SLC38A12: variants seen among roughly 807,000 people sequenced by gnomAD.
SLC38A12 encodes the protein putative sodium-coupled neutral amino acid transporter 12.
chr17:74,809,584 G>A, the SLC38A12 span, among the ~76,000 whole-genome samples: 6 of 152,306 alleles, frequency 3.9e-5, no homozygotes, highest in Non-Finnish European at 8.8e-5. Context: ...CTTCGGTTCT[G>A]TGCGGGAAGC....
chr17:74,792,325 C>T, the SLC38A12 span, among the ~76,000 whole-genome samples: 1 of 151,986 alleles, frequency 6.6e-6, no homozygotes. Context: ...GTGGTGCACA[C>T]CTGTGGTCCC....
At chr17:74,784,826 G>A in the SLC38A12 span, among the ~76,000 whole-genome samples, 2 of 152,144 alleles carry the variant, frequency 1.3e-5, no homozygotes, top group Non-Finnish European at 2.9e-5. Flanking sequence ...TAATGGAAAT[G>A]GGCTTTTTGG....
At chr17:74,798,847 A>G in the SLC38A12 span, among the ~76,000 whole-genome samples, 1 of 151,026 alleles carries the variant, frequency 6.6e-6, no homozygotes, top group East Asian at 2.0e-4. Flanking sequence ...GGAACATCTC[A>G]GGATTCTTTC....
At chr17:74,822,585 A>C in the SLC38A12 span, among the ~76,000 whole-genome samples, 1 of 152,240 alleles carries the variant, frequency 6.6e-6, no homozygotes, top group African/African-American at 2.4e-5. Context: ...CTCTCAGGCG[A>C]ACCTTTTCTC....
At chr17:74,791,680 C>T in the SLC38A12 span, among the ~76,000 whole-genome samples, 1 of 152,248 alleles carries the variant, frequency 6.6e-6, no homozygotes, top group Non-Finnish European at 1.5e-5. Flanking sequence ...AGCCCACACC[C>T]AGGCTTGCTG....
the SLC38A12 span, among the ~76,000 whole-genome samples, chr17:74,823,791 C>G: frequency 6.6e-6 from 1 of 152,268 alleles, no homozygotes; most frequent in African/African-American, 2.4e-5. Flanking sequence ...AGGTGGCGCA[C>G]CTACTGGAGG....
At chr17:74,836,810 G>A in the SLC38A12 span, 1 of 1,440,592 alleles carries the variant, frequency 6.9e-7, no homozygotes, top group South Asian at 1.5e-5. The surrounding 1 kb of genome is among the most constrained non-coding windows in gnomAD (Gnocchi z 4.2). Flanking sequence ...GGCTCTAGGG[G>A]AAACCCCCTG....
chr17:74,824,239 A>G, the SLC38A12 span, among the ~76,000 whole-genome samples: 3 of 151,582 alleles, frequency 2.0e-5, no homozygotes, highest in African/African-American at 7.3e-5. Flanking sequence ...CCCAGCATCT[A>G]CTCCCACCCA....
At chr17:74,831,525 C>T in the SLC38A12 span, among the ~76,000 whole-genome samples, 1,252 of 152,342 alleles carry the variant, frequency 8.2e-3, 16 homozygotes, top group Non-Finnish European at 0.013. Flanking sequence ...GCCCAGCAGC[C>T]GCTCGTGTGA....
the SLC38A12 span, among the ~76,000 whole-genome samples, chr17:74,804,427 A>C: frequency 6.6e-6 from 1 of 152,234 alleles, no homozygotes; most frequent in Non-Finnish European, 1.5e-5. Flanking sequence ...AGAACCCCAG[A>C]GGGTTTACAG....
At chr17:74,801,050 G>T in the SLC38A12 span, among the ~76,000 whole-genome samples, 1 of 152,330 alleles carries the variant, frequency 6.6e-6, no homozygotes, top group African/African-American at 2.4e-5. Flanking sequence ...GGAGACTCCA[G>T]GACGCCTGGA....
At chr17:74,819,277 G>C in the SLC38A12 span, among the ~76,000 whole-genome samples, 1 of 152,258 alleles carries the variant, frequency 6.6e-6, no homozygotes, top group African/African-American at 2.4e-5. Context: ...CTCCTGCGAG[G>C]CTTCGTCAGG....
chr17:74,783,230 G>A, the SLC38A12 span, among the ~76,000 whole-genome samples: 2 of 152,212 alleles, frequency 1.3e-5, no homozygotes, highest in African/African-American at 4.8e-5. Context: ...CAATCAGCTG[G>A]GTGTTCCCAT....
At chr17:74,811,976 T>C in the SLC38A12 span, among the ~76,000 whole-genome samples, 1 of 150,794 alleles carries the variant, frequency 6.6e-6, no homozygotes, top group Non-Finnish European at 1.5e-5. Context: ...AGCCTAGGAG[T>C]TCGGGGCTGC....
At chr17:74,796,759 C>T in the SLC38A12 span, among the ~76,000 whole-genome samples, 1 of 152,190 alleles carries the variant, frequency 6.6e-6, no homozygotes. Flanking sequence ...AATTTGGTAG[C>T]GGGTTAATTG....
chr17:74,777,590 G>A, the SLC38A12 span: 1 of 1,510,896 alleles, frequency 6.6e-7, no homozygotes, highest in African/African-American at 1.4e-5. Flanking sequence ...GTTTGTCAGA[G>A]TGGTCAAGCC....
At chr17:74,800,374 T>G in the SLC38A12 span, among the ~76,000 whole-genome samples, 22 of 152,372 alleles carry the variant, frequency 1.4e-4, no homozygotes, top group Admixed American at 1.3e-4. Flanking sequence ...CACTCCTAGA[T>G]AGCAAGGCCA....
the SLC38A12 span, among the ~76,000 whole-genome samples, chr17:74,810,401 G>A: frequency 2.0e-5 from 3 of 152,206 alleles, no homozygotes; most frequent in Non-Finnish European, 4.4e-5. Flanking sequence ...ATCAGGGGGA[G>A]CCAAGGACAA....
the SLC38A12 span, among the ~76,000 whole-genome samples, chr17:74,825,671 C>G: frequency 6.6e-6 from 1 of 152,230 alleles, no homozygotes; most frequent in African/African-American, 2.4e-5. Context: ...AAGACTCCTG[C>G]AGTGCCCAGG....
Sources: gnomAD v4.1 joint callset for allele counts (sites outside exome capture counted in the v4.1 genomes callset) on GRCh38, gnomAD v4.1.1 for gene constraint, Gnocchi (gnomAD v3.1) non-coding constraint, MANE v1.5 for transcripts, NCBI Gene and HGNC (gene_info 2026-07-23, HGNC 2026-07-21) for gene names.